The following SEPTIN11 variants were observed in gnomAD, a reference collection of about 807,000 sequenced individuals.
The protein encoded by SEPTIN11 is septin-11.
SEPTIN11 carries 25 observed loss-of-function variants against 51.4 expected under a neutral mutation model. The ratio of observed to expected loss-of-function variants is 0.49; its 90% confidence interval spans 0.35 to 0.68. The LOEUF is 0.68. Ranked by LOEUF, SEPTIN11 falls within the 30% of genes least tolerant of loss-of-function variation. SEPTIN11 has a pLI of 0.00. For missense variants in SEPTIN11, 381 were observed against 520.8 expected (o/e 0.73, Z 2.61); for synonymous variants, 174 against 184.1 (o/e 0.95, Z 0.44).
chr4:76,977,550 G>A (rs1388970655), intron 1 of SEPTIN11, among the ~76,000 whole-genome samples: 1 of 152,134 alleles, frequency 6.6e-6, no homozygotes. Flanking sequence ...AGTATTGCTA[G>A]TTTTTAAAGA....
rs1663861250 is a variant in SEPTIN11 at position 77,030,828 on chromosome 4, A to G, written c.1132A>G (p.Lys378Glu). ...DLLKRTHQEE[K>E]KKVEDKKKEL... ...TCTAAAGCGGACACACCAAGAAGAA[A>G]AGAAGAAAGTGGAAGACAAGAAGAA... The change falls in exon 9 of 10, where the codon AAG (lysine) becomes GAG (glutamate). Residue 378 changes from lysine (K) to glutamate (E), a missense_variant. Transcript: ENST00000264893. 1 of 1,609,056 alleles carries G rather than the reference A, an allele frequency of 6.2e-7. No individual in the cohort carries two copies. The highest frequency in any genetic ancestry group is 8.5e-7 in the Non-Finnish European group (1 of 1,179,066).
intron 2 of SEPTIN11, among the ~76,000 whole-genome samples, chr4:76,998,426 T>C (rs1723881452): frequency 1.3e-5 from 2 of 152,300 alleles, no homozygotes; most frequent in African/African-American, 4.8e-5. Context: ...CATTCCTTCC[T>C]GGAACCTTTA....
chr4:76,986,100 C>T (rs1723011992), intron 1 of SEPTIN11, among the ~76,000 whole-genome samples: 1 of 151,962 alleles, frequency 6.6e-6, no homozygotes, highest in African/African-American at 2.4e-5. Context: ...CTTCACTGTC[C>T]AATTCAGAGG....
Position 77,037,157 on chromosome 4 carries a change from T to G in SEPTIN11, c.*2645T>G. Reference sequence around the variant, plus strand: ...TGGGCAGATCACTTGAGGCCTGGAGTTCAAGACCACCTTGGCGAACACGGT... The same window carrying G: ...TGGGCAGATCACTTGAGGCCTGGAGGTCAAGACCACCTTGGCGAACACGGT... On this transcript the variant is annotated 3_prime_UTR_variant, in exon 10 of 10. Coordinates refer to ENST00000264893, the MANE Select transcript of SEPTIN11 (RefSeq NM_018243.4). The G allele has an allele frequency of 1.3e-6, 1 of 774,338 alleles. No homozygotes were observed. The highest frequency in any genetic ancestry group is 1.1e-4 in the East Asian group (1 of 8,728). The allele number at this position is 774,338 out of a possible 1,614,324, so 48.0% of individuals were successfully genotyped here. A position where few individuals can be genotyped will look rare whatever the true frequency, so the allele number is the denominator to read the frequency against.
rs1203033113 is a variant in SEPTIN11 at position 76,949,941 on chromosome 4, G to C, written c.27+11G>C. 1 of 1,484,248 alleles carries C rather than the reference G, an allele frequency of 6.7e-7. No homozygotes were observed. Among genetic ancestry groups the C allele is most frequent in the Non-Finnish European group, 8.9e-7 (1 of 1,123,372 alleles). The allele number at this position is 1,484,248 out of a possible 1,614,324, so 91.9% of individuals were successfully genotyped here. A position where few individuals can be genotyped will look rare whatever the true frequency, so the allele number is the denominator to read the frequency against. On this transcript the variant is annotated intron_variant, in intron 1 of 9. Coordinates refer to ENST00000264893, the MANE Select transcript of SEPTIN11 (RefSeq NM_018243.4). ...GTGGGGAGACCGTCTGTGAGTGCTG[G>C]GGCCTCGCCTGCTGCTCCTCGGGCG...
intron 1 of SEPTIN11, among the ~76,000 whole-genome samples, chr4:76,953,756 C>G (rs1319429739): frequency 1.3e-5 from 2 of 152,182 alleles, no homozygotes; most frequent in African/African-American, 4.8e-5. Context: ...ACAATAATCT[C>G]TCCTTTTAAA....
intron 1 of SEPTIN11, chr4:76,959,311 G>C (rs1404436389): frequency 6.7e-6 from 1 of 149,840 alleles, no homozygotes; most frequent in Admixed American, 7.0e-5. Context: ...ACAGAGTCTT[G>C]CTATGTTGCT....
At chr4:76,993,412 G>T (rs1212053087) in intron 1 of SEPTIN11, among the ~76,000 whole-genome samples, 1 of 152,120 alleles carries the variant, frequency 6.6e-6, no homozygotes, top group Non-Finnish European at 1.5e-5. Flanking sequence ...TAACGACATG[G>T]AATATATGCA....
intron 4 of SEPTIN11, among the ~76,000 whole-genome samples, chr4:77,014,159 G>T (rs1725059104): frequency 6.6e-6 from 1 of 152,228 alleles, no homozygotes; most frequent in Non-Finnish European, 1.5e-5. Context: ...ATTTTATTCT[G>T]GCATGAAGGA....
At chr4:76,997,627 A>G (rs148891767) in intron 2 of SEPTIN11, among the ~76,000 whole-genome samples, 1 of 152,280 alleles carries the variant, frequency 6.6e-6, no homozygotes, top group East Asian at 1.9e-4. Flanking sequence ...AAGACTGGAG[A>G]GAACACAGCC....
intron 1 of SEPTIN11, among the ~76,000 whole-genome samples, chr4:76,994,140 T>C (rs1021794932): frequency 2.0e-5 from 3 of 152,220 alleles, no homozygotes; most frequent in Non-Finnish European, 2.9e-5. Context: ...GCGTTGTCTC[T>C]TTCATACCGT....
At chr4:77,017,624 G>T (rs1725391264) in intron 5 of SEPTIN11, among the ~76,000 whole-genome samples, 1 of 152,134 alleles carries the variant, frequency 6.6e-6, no homozygotes, top group African/African-American at 2.4e-5. Context: ...AATGCTACTT[G>T]GGCAATCTGA....
intron 1 of SEPTIN11, among the ~76,000 whole-genome samples, chr4:76,978,066 A>G (rs919926554): frequency 3.3e-5 from 5 of 152,224 alleles, no homozygotes; most frequent in Admixed American, 2.0e-4. Context: ...AGAGAAAAGT[A>G]AGAAAGGAGA....
chr4:77,031,731 C>G (rs938245858), intron 9 of SEPTIN11: 15 of 152,150 alleles, frequency 9.9e-5, no homozygotes, highest in African/African-American at 3.4e-4. Context: ...AGTTTTATGT[C>G]AATGCTATCG....
chr4:76,995,879 C>A (rs1723679801), intron 1 of SEPTIN11: 2 of 1,535,464 alleles, frequency 1.3e-6, no homozygotes, highest in South Asian at 2.4e-5. Flanking sequence ...ACCTGTAAAA[C>A]TAATGGAGGA....
chr4:77,012,898 A>G (rs1272508216), intron 4 of SEPTIN11, among the ~76,000 whole-genome samples: 1 of 152,202 alleles, frequency 6.6e-6, no homozygotes, highest in East Asian at 1.9e-4. Context: ...CACTGCAGCT[A>G]GAGTACTCTT....
chr4:76,984,126 A>G lies in SEPTIN11; in HGVS notation c.28-12299A>G, dbSNP rs542758484. 6.6e-6 allele frequency among the ~76,000 whole-genome samples: 1 copy of G among 152,202 alleles called. No homozygotes were observed. The highest frequency in any genetic ancestry group is 1.5e-5 in the Non-Finnish European group (1 of 68,028). ...TAATTGGTATGTTTATTTCCTCAAT[A>G]TGTATCATGGTTTTGGTCATTTCTG... is the stretch of plus-strand genomic sequence containing the variant. On this transcript the variant is annotated intron_variant, in intron 1 of 9. Coordinates refer to ENST00000264893, the MANE Select transcript of SEPTIN11 (RefSeq NM_018243.4). This position sits in a 1 kb window ranked among gnomAD's most constrained non-coding sequence, Gnocchi z 4.1.
At chr4:76,960,123 C>T (rs571452484) in intron 1 of SEPTIN11, among the ~76,000 whole-genome samples, 15 of 152,288 alleles carry the variant, frequency 9.8e-5, no homozygotes, top group Admixed American at 3.9e-4. Flanking sequence ...ATGGAAACTA[C>T]GTAAACCAAG....
chr4:77,031,565 G>A (rs1726638746), intron 9 of SEPTIN11: 1 of 152,120 alleles, frequency 6.6e-6, no homozygotes, highest in South Asian at 2.1e-4. Flanking sequence ...TTTAAATAGG[G>A]TCTTAATGTC....
Sources: gnomAD v4.1 joint callset for allele counts (sites outside exome capture counted in the v4.1 genomes callset) on GRCh38, gnomAD v4.1.1 for gene constraint, Gnocchi (gnomAD v3.1) non-coding constraint, MANE v1.5 for transcripts, NCBI Gene and HGNC (gene_info 2026-07-23, HGNC 2026-07-21) for gene names.